The following LCN2 variants were observed in gnomAD, a reference collection of about 807,000 sequenced individuals.
The protein encoded by LCN2 is lipocalin 2, also known as neutrophil gelatinase-associated lipocalin.
LCN2 carries 27 observed loss-of-function variants against 26.4 expected under a neutral mutation model. That is an observed-to-expected ratio of 1.02 (90% CI 0.76 to 1.41). The LOEUF (loss-of-function observed/expected upper bound fraction) is 1.41. LCN2 is among the 40% of genes most tolerant of loss of function. The probability of loss-of-function intolerance (pLI) is 0.00; values close to 1 mark genes in which losing one functional copy is unlikely to be tolerated. For missense variants in LCN2, 224 were observed against 237.6 expected, an observed-to-expected ratio of 0.94 and a Z score of 0.38; for synonymous variants, 94 against 98.9, an observed-to-expected ratio of 0.95 and a Z score of 0.30.
In LCN2 at chr9:128,151,623, T is replaced by C; in HGVS notation, c.276-15T>C. 1.2e-6 allele frequency: 2 copies of C among 1,612,024 alleles called. No homozygotes were observed. The highest frequency in any genetic ancestry group is 1.7e-6 in the Non-Finnish European group (2 of 1,178,180). The stretch of plus-strand genomic sequence containing the variant: ...GGTTGTCTCCCCTCTCACCCACCCA[T>C]CTCTCCCTCCCAAGGAAAAAGAAGT... On this transcript the variant is annotated splice_polypyrimidine_tract_variant and intron_variant, in intron 2 of 6. Coordinates refer to ENST00000277480, the MANE Select transcript of LCN2 (RefSeq NM_005564.5).
Position 128,153,132 on chromosome 9 carries a change from T to A in LCN2, c.*7+6T>A. ...TATCGACGGCTGAGTGCACAGTGAG[T>A]GTGGCTGGGCGGCTGCGAGGGGGCT... On this transcript the variant is annotated splice_donor_region_variant and intron_variant, in intron 6 of 6. Coordinates refer to ENST00000277480, the MANE Select transcript of LCN2 (RefSeq NM_005564.5). This position sits in a 1 kb window ranked among gnomAD's most constrained non-coding sequence, Gnocchi z 5.4. 1.2e-6 allele frequency: 2 copies of A among 1,613,980 alleles called. No homozygotes were observed. Among genetic ancestry groups the A allele is most frequent in the Non-Finnish European group, 8.5e-7 (1 of 1,179,974 alleles).
rs760072981 is a variant in LCN2, at chr9:128,149,557, C to T, written c.32C>T (p.Ala11Val). The change falls in exon 1 of 7, where the codon GCC becomes GTC. Residue 11 changes from alanine (A) to valine (V), a missense_variant. Ala to Val is a moderately conservative substitution (Grantham distance 64). Coordinates refer to ENST00000277480, the MANE Select transcript of LCN2 (RefSeq NM_005564.5). Reference sequence around the variant, plus strand: ...CTAGGTCTCCTGTGGCTGGGCCTAGCCCTGTTGGGGGCTCTGCATGCCCAG... The same window carrying T: ...CTAGGTCTCCTGTGGCTGGGCCTAGTCCTGTTGGGGGCTCTGCATGCCCAG... MPLGLLWLGL[A>V]LLGALHAQAQ... The T allele has an allele frequency of 1.4e-5, 23 of 1,613,808 alleles. No homozygotes were observed. In the East Asian group the frequency reaches 4.9e-4, roughly 34 times the overall value.
chr9:128,150,121 C>A, intron 1 of LCN2, 117 bp from the exon 2 acceptor site: 1 of 1,370,630 alleles, frequency 7.3e-7, no homozygotes, highest in Non-Finnish European at 9.9e-7. Flanking sequence ...GCCCTGCTGC[C>A]CAGCTAGAGG....
Position 128,151,941 on chromosome 9 carries a change from G to A in LCN2, c.391G>A (p.Val131Met), listed in dbSNP as rs754964519. The part of the protein sequence containing the change: ...PGLTSYLVRV[V>M]STNYNQHAMV... ...ATTAACGAGTTACCTCGTCCGAGTG[G>A]TGAGCACCAACTACAACCAGCATGC... Residue 131 changes from valine to methionine, a missense_variant, in exon 4 of 7, where the codon GTG (valine) becomes ATG (methionine). Physicochemically the swap from Val to Met is conservative, Grantham distance 21. Coordinates refer to ENST00000277480, the MANE Select transcript of LCN2 (RefSeq NM_005564.5). 4 of 1,614,022 alleles carry A rather than the reference G, an allele frequency of 2.5e-6. No homozygotes were observed. The highest frequency in any genetic ancestry group is 3.4e-6 in the Non-Finnish European group (4 of 1,180,004).
chr9:128,151,725 T>C lies in LCN2; in HGVS notation c.355+8T>C, dbSNP rs2232626. The C allele has an allele frequency of 1.4e-3, 2,228 of 1,613,258 alleles. 31 individuals are homozygous for C. In the African/African-American group the frequency reaches 0.026, roughly 19 times the overall value. The stretch of plus-strand genomic sequence containing the variant: ...CGCTGGGCAACATTAAGAGTGAGTC[T>C]TGAGTGAGGTGGGGCACTGAGTTGG... On this transcript the variant is annotated splice_region_variant and intron_variant, in intron 3 of 6. Transcript: ENST00000277480.
intron 5 of LCN2, 34 bp downstream of exon 5, chr9:128,152,318 T>A: frequency 6.4e-7 from 1 of 1,573,880 alleles, no homozygotes; most frequent in Non-Finnish European, 8.7e-7. Context: ...GACGGGGACA[T>A]GGGGACTGTT....
chr9:128,151,863 C>T (rs1413559561), intron 3 of LCN2, 43 bp from the exon 4 acceptor site: 6 of 1,611,680 alleles, frequency 3.7e-6, no homozygotes, highest in African/African-American at 1.3e-5. Context: ...GCTCCCTCCT[C>T]CCATCCAGGG....
At chr9:128,152,684 T>C (rs887933119) in intron 5 of LCN2, among the ~76,000 whole-genome samples, 2 of 152,068 alleles carry the variant, frequency 1.3e-5, no homozygotes, top group Non-Finnish European at 2.9e-5. Context: ...GGCTGTCCTC[T>C]CTCCCCTGGG....
Position 128,153,264 on chromosome 9 carries a change from T to A in LCN2, c.*8-47T>A, listed in dbSNP as rs1564226014. 7 of 1,042,216 alleles carry A rather than the reference T, an allele frequency of 6.7e-6. No individual in the cohort carries two copies. The highest frequency in any genetic ancestry group is 1.3e-5 in the South Asian group (1 of 77,096). The allele number at this position is 1,042,216 out of a possible 1,614,324, so 64.6% of individuals were successfully genotyped here. ...TTTATTCTGCTGTCCCCATCTCGGG[T>A]GCCTCCCATTTCCCCACCCATCACC... On this transcript the variant is annotated intron_variant, in intron 6 of 6. Transcript: ENST00000277480. This position sits in a 1 kb window ranked among gnomAD's most constrained non-coding sequence, Gnocchi z 5.4.
chr9:128,151,328 G>C, intron 2 of LCN2: 1 of 566,646 alleles, frequency 1.8e-6, no homozygotes. Context: ...TTGGGTGGCG[G>C]GGGGGGTGAA....
Position 128,151,997 on chromosome 9 carries a change from CAG to C in LCN2, c.448_449del (p.Arg150GlyfsTer33). ...TGTTCTTCAAGAAAGTTTCTCAAAA[CAG>C]GGAGTACTTCAAGATCACCCTCTAC... ...MVFFKKVSQN[R>X]EYFKITLYGR... On this transcript the variant is annotated frameshift_variant, in exon 4 of 7. Transcript: ENST00000277480. LOFTEE classifies it high-confidence loss of function. The C allele has an allele frequency of 6.2e-7, 1 of 1,614,120 alleles. No individual in the cohort carries two copies. The highest frequency in any genetic ancestry group is 8.5e-7 in the Non-Finnish European group (1 of 1,179,978).
Position 128,152,344 on chromosome 9 carries a change from C to T in LCN2, c.577+60C>T, listed in dbSNP as rs377473009. On this transcript the variant is annotated intron_variant, in intron 5 of 6. Coordinates refer to ENST00000277480, the MANE Select transcript of LCN2 (RefSeq NM_005564.5). ...GGGGACTGTTCAGGCAGGATGCTTC[C>T]CTACCAGGGATCAGGGAGAGGAGGG... 5.7e-5 allele frequency: 82 copies of T among 1,445,434 alleles called. 2 individuals carry two copies. Among genetic ancestry groups the T allele is most frequent in the East Asian group, 4.1e-4 (18 of 44,086 alleles). 89.5% of individuals were successfully genotyped at this position (1,445,434 alleles called of 1,614,324 possible). A position where few individuals can be genotyped will look rare whatever the true frequency, so the allele number is the denominator to read the frequency against.
rs757530769 is a variant in LCN2, at chr9:128,149,708, G to A, written c.138+45G>A. On this transcript the variant is annotated intron_variant, in intron 1 of 6. Transcript: ENST00000277480. ...ACCTGCAGGCAGGGCCTGGGGAAGAGTGGGAGCAGAGGGGAGGAGAGGTGA... is the reference window on the plus strand; with the variant it reads ...ACCTGCAGGCAGGGCCTGGGGAAGAATGGGAGCAGAGGGGAGGAGAGGTGA... 51 of 1,610,686 alleles carry A rather than the reference G, an allele frequency of 3.2e-5. No homozygotes were observed. The East Asian group carries it at 1.1e-3, about 35-fold the overall frequency.
chr9:128,150,211 G>A (rs886116672), intron 1 of LCN2, 27 bp from the exon 2 acceptor site: 1 of 1,604,852 alleles, frequency 6.2e-7, no homozygotes, highest in Non-Finnish European at 8.5e-7. Flanking sequence ...CCATTCCTGG[G>A]TTGTGCCTCT....
chr9:128,150,771 G>A (rs1252945992), intron 2 of LCN2, among the ~76,000 whole-genome samples: 1 of 152,214 alleles, frequency 6.6e-6, no homozygotes, highest in Non-Finnish European at 1.5e-5. Context: ...CCCCCCTTCA[G>A]GAAGGAGCAA....
At chr9:128,150,176 A>G in intron 1 of LCN2, 62 bp from the exon 2 acceptor site, 1 of 1,568,330 alleles carries the variant, frequency 6.4e-7, no homozygotes, top group Non-Finnish European at 8.6e-7. Flanking sequence ...CCACAGGGAC[A>G]GAGCTGGAGG....
At chr9:128,150,433 G>A in intron 2 of LCN2, 59 bp downstream of exon 2, 2 of 1,609,052 alleles carry the variant, frequency 1.2e-6, no homozygotes, top group South Asian at 2.2e-5. Context: ...GGCAAGGGAT[G>A]GCCAAAGCTG....
chr9:128,150,765 C>G (rs185560875), intron 2 of LCN2, among the ~76,000 whole-genome samples: 15 of 152,322 alleles, frequency 9.8e-5, no homozygotes, highest in East Asian at 9.7e-4. Context: ...GAGAGCCCCC[C>G]CTTCAGGAAG....
At chr9:128,150,160 G>C (rs1457898368) in intron 1 of LCN2, 78 bp from the exon 2 acceptor site, 14 of 1,548,688 alleles carry the variant, frequency 9.0e-6, no homozygotes, top group Non-Finnish European at 1.1e-5. Context: ...GGGCGGCCCA[G>C]AGGTGCCACA....
Sources: gnomAD v4.1 joint callset for allele counts (sites outside exome capture counted in the v4.1 genomes callset) on GRCh38, gnomAD v4.1.1 for gene constraint, Gnocchi (gnomAD v3.1) non-coding constraint, MANE v1.5 for transcripts, NCBI Gene and HGNC (gene_info 2026-07-23, HGNC 2026-07-21) for gene names.